RAB3C: variants seen among roughly 807,000 people sequenced by gnomAD.
The protein encoded by RAB3C is ras-related protein Rab-3C.
In RAB3C, 17 loss-of-function variants were observed where a neutral mutation model predicts 26.4. The ratio of observed to expected loss-of-function variants is 0.64; its 90% CI spans 0.44 to 0.97. The LOEUF (loss-of-function observed/expected upper bound fraction) is 0.97, where lower values mean the gene tolerates loss of function less well. RAB3C is among the 50% of genes least tolerant of loss of function. The probability of loss-of-function intolerance (pLI) is 0.00; values close to 1 mark genes in which losing one functional copy is unlikely to be tolerated. For synonymous variants in RAB3C, 91 were observed against 95.9 expected, an observed-to-expected ratio of 0.95 and a Z score of 0.30; for missense variants, 242 against 281.9, an observed-to-expected ratio of 0.86 and a Z score of 1.01.
chr5:58,737,306 C>T (rs1475813830), intron 3 of RAB3C, among the ~76,000 whole-genome samples: 1 of 150,366 alleles, frequency 6.7e-6, no homozygotes, highest in Non-Finnish European at 1.5e-5. Flanking sequence ...TTTCTTCCCC[C>T]ACCCTATTTC....
chr5:58,746,312 A>G (rs1171783509), intron 3 of RAB3C, among the ~76,000 whole-genome samples: 1 of 152,166 alleles, frequency 6.6e-6, no homozygotes, highest in East Asian at 1.9e-4. Flanking sequence ...CAGGCAGTCT[A>G]CACTTTTTAT....
intron 3 of RAB3C, among the ~76,000 whole-genome samples, chr5:58,820,210 TA>T (rs59654318): frequency 0.046 from 6,302 of 135,956 alleles, 367 homozygotes; most frequent in African/African-American, 0.15. Flanking sequence ...CACTGAAACT[TA>T]AAAAAAAAAA....
chr5:58,605,304 C>T (rs1307341607), intron 1 of RAB3C, among the ~76,000 whole-genome samples: 2 of 152,128 alleles, frequency 1.3e-5, no homozygotes, highest in African/African-American at 4.8e-5. Context: ...TGTACAGGTG[C>T]AATCTAGTCC....
At chr5:58,836,908 T>C (rs1414881423) in intron 4 of RAB3C, among the ~76,000 whole-genome samples, 1 of 152,232 alleles carries the variant, frequency 6.6e-6, no homozygotes, top group Non-Finnish European at 1.5e-5. Flanking sequence ...GTAGTGAGTT[T>C]GTTAGAGCCT....
At chr5:58,750,773 A>G (rs1741504335) in intron 3 of RAB3C, among the ~76,000 whole-genome samples, 1 of 152,160 alleles carries the variant, frequency 6.6e-6, no homozygotes, top group Non-Finnish European at 1.5e-5. Context: ...TCATTTTAAA[A>G]GAAGGATGTG....
At chr5:58,584,449 AT>A (rs200538755) in intron 1 of RAB3C, among the ~76,000 whole-genome samples, 1,877 of 152,254 alleles carry the variant, frequency 0.012, 29 homozygotes, top group African/African-American at 0.043. Flanking sequence ...GTGTCTTCTA[AT>A]ACCTCTATTT....
At chr5:58,731,263 A>G (rs999344324) in intron 3 of RAB3C, among the ~76,000 whole-genome samples, 2 of 152,132 alleles carry the variant, frequency 1.3e-5, no homozygotes, top group African/African-American at 2.4e-5. Flanking sequence ...TTTCCAGTGG[A>G]ATTTTATTTA....
In RAB3C at chr5:58,643,921, G is replaced by A. The variant is rs544783561; in HGVS notation, c.252+26051G>A. 6.6e-5 allele frequency among the ~76,000 whole-genome samples: 10 copies of A among 152,122 alleles called. No individual in the cohort carries two copies. In the East Asian group the frequency reaches 7.8e-4, roughly 12 times the overall value. On this transcript the variant is annotated intron_variant, in intron 2 of 4. Coordinates refer to ENST00000282878, the MANE Select transcript of RAB3C (RefSeq NM_138453.4). ...ACTGCAACCTCCGCCTCCTGGGTTC[G>A]AGAGATTCTCCTGCCTCAGCCCCCG...
intron 4 of RAB3C, among the ~76,000 whole-genome samples, chr5:58,839,289 A>T: frequency 6.7e-6 from 1 of 149,432 alleles, no homozygotes; most frequent in African/African-American, 2.5e-5. Context: ...TTTGTTTCTT[A>T]TTTCCTCTTT....
intron 2 of RAB3C, among the ~76,000 whole-genome samples, chr5:58,627,111 T>C (rs911422029): frequency 1.3e-5 from 2 of 152,176 alleles, no homozygotes; most frequent in Admixed American, 6.5e-5. Flanking sequence ...AGCTTATTTA[T>C]TAAATGCTCA....
At position 58,761,187 on chromosome 5, in the gene RAB3C, T is replaced by G. The variant is rs139423394; in HGVS notation, c.371+35067T>G. 4.4e-3 allele frequency among the ~76,000 whole-genome samples: 669 copies of G among 152,282 alleles called. 8 individuals carry two copies. The highest frequency in any genetic ancestry group is 0.015 in the African/African-American group (612 of 41,570). On this transcript the variant is annotated intron_variant, in intron 3 of 4. Coordinates refer to ENST00000282878, the MANE Select transcript of RAB3C (RefSeq NM_138453.4). ...AAATGGAAGGCTACTTTTCACATTT[T>G]ATTCTTCAGTCTTTTGTATTGATTG...
chr5:58,747,501 CTACCAT>C (rs1741425696), intron 3 of RAB3C, among the ~76,000 whole-genome samples: 1 of 152,136 alleles, frequency 6.6e-6, no homozygotes, highest in South Asian at 2.1e-4. Flanking sequence ...TCACTTCTTT[CTACCAT>C]CTGCCTCTTT....
intron 3 of RAB3C, among the ~76,000 whole-genome samples, chr5:58,733,703 G>A (rs1027785493): frequency 2.6e-5 from 4 of 152,276 alleles, no homozygotes; most frequent in Non-Finnish European, 2.9e-5. Flanking sequence ...CCAGATCACC[G>A]CTGAAAACTT....
intron 3 of RAB3C, among the ~76,000 whole-genome samples, chr5:58,738,554 T>A (rs1741205559): frequency 6.6e-6 from 1 of 152,154 alleles, no homozygotes; most frequent in Non-Finnish European, 1.5e-5. Flanking sequence ...TGTGTTTTGG[T>A]CAACTCAACT....
intron 3 of RAB3C, among the ~76,000 whole-genome samples, chr5:58,821,930 A>T (rs1743350488): frequency 6.6e-6 from 1 of 152,120 alleles, no homozygotes; most frequent in South Asian, 2.1e-4. Flanking sequence ...CTATTCAATG[A>T]TCCTTCACTT....
chr5:58,679,190 G>T (rs1203915651), intron 2 of RAB3C, among the ~76,000 whole-genome samples: 1 of 152,184 alleles, frequency 6.6e-6, no homozygotes. Flanking sequence ...AAGCAGCAGG[G>T]TGGGGGTATC....
chr5:58,693,336 G>GTGTATATATATATATATA (rs1554048065), intron 2 of RAB3C, among the ~76,000 whole-genome samples: 1 of 111,774 alleles, frequency 8.9e-6, no homozygotes, highest in African/African-American at 3.7e-5. Context: ...ATATATATGT[G>GTGTATATATATATATATA]TATATATATA....
Position 58,819,565 on chromosome 5 carries a change from G to A in RAB3C, c.372-5473G>A, listed in dbSNP as rs552486183. Reference sequence around the variant, plus strand: ...AATAGCATTTTACGAATTCTAAGATGCACAATTTTTCTTACTTACCCATCT... The same window carrying A: ...AATAGCATTTTACGAATTCTAAGATACACAATTTTTCTTACTTACCCATCT... On this transcript the variant is annotated intron_variant, in intron 3 of 4. Transcript: ENST00000282878. Among the ~76,000 whole-genome samples the A allele has an allele frequency of 2.3e-4, 35 of 152,266 alleles. No homozygotes were observed. The South Asian group carries it at 7.3e-3, about 32-fold the overall frequency.
chr5:58,625,962 A>C (rs1159654862), intron 2 of RAB3C, among the ~76,000 whole-genome samples: 1 of 152,128 alleles, frequency 6.6e-6, no homozygotes, highest in Non-Finnish European at 1.5e-5. Context: ...GAGAACTTTA[A>C]ACCAATTAAA....
Sources: allele counts gnomAD v4.1 joint callset (sites outside exome capture counted in the v4.1 genomes callset), GRCh38; gene constraint gnomAD v4.1.1; transcripts MANE v1.5; gene names NCBI Gene and HGNC (gene_info 2026-07-23, HGNC 2026-07-21).